Variants in CCDC91 observed in about 807,000 individuals in gnomAD.
CCDC91 encodes the protein coiled-coil domain-containing protein 91.
In CCDC91, 48 loss-of-function variants were observed where a neutral mutation model predicts 63.2. The observed-to-expected ratio is 0.76, with a 90% CI of 0.60 to 0.97. The LOEUF (loss-of-function observed/expected upper bound fraction) is 0.97, where lower values mean the gene tolerates loss of function less well. CCDC91 is among the 50% of genes least tolerant of loss of function. The pLI, the probability that CCDC91 is intolerant of heterozygous loss-of-function variation, is 0.00. For missense variants in CCDC91, 500 were observed against 494.6 expected, an observed-to-expected ratio of 1.01 and a Z score of -0.10; for synonymous variants, 167 against 165.8, an observed-to-expected ratio of 1.01 and a Z score of -0.06.
chr12:28,230,182 A>G (rs1451908230), intron 1 of CCDC91, among the ~76,000 whole-genome samples: 1 of 152,166 alleles, frequency 6.6e-6, no homozygotes, highest in African/African-American at 2.4e-5. Flanking sequence ...ATCTGGGGTC[A>G]TTCTGTACTT....
At chr12:28,379,525 G>A (rs1340688339) in intron 7 of CCDC91, among the ~76,000 whole-genome samples, 1 of 148,756 alleles carries the variant, frequency 6.7e-6, no homozygotes. Flanking sequence ...CTCAAAAGAA[G>A]ACATCTATGC....
At chr12:28,199,331 A>C (rs751808148) in intron 1 of CCDC91, among the ~76,000 whole-genome samples, 36 of 151,982 alleles carry the variant, frequency 2.4e-4, no homozygotes, top group Non-Finnish European at 3.7e-4. Flanking sequence ...TAAGTTTACA[A>C]ATTTTGTTCC....
intron 7 of CCDC91, among the ~76,000 whole-genome samples, chr12:28,381,715 T>C (rs776416724): frequency 1.3e-5 from 2 of 152,160 alleles, no homozygotes; most frequent in Admixed American, 6.6e-5. Context: ...GCCAATTTTT[T>C]TGATAATTTT....
chr12:28,360,736 G>T (rs1370547955), intron 6 of CCDC91, among the ~76,000 whole-genome samples: 3 of 152,082 alleles, frequency 2.0e-5, no homozygotes, highest in African/African-American at 7.2e-5. Flanking sequence ...AGTATAAGGG[G>T]TATGTTGTCC....
chr12:28,446,596 G>A (rs569592366), intron 8 of CCDC91, among the ~76,000 whole-genome samples: 1 of 152,184 alleles, frequency 6.6e-6, no homozygotes, highest in East Asian at 1.9e-4. Flanking sequence ...CCAAGTAGCT[G>A]GGACTACAGG....
At chr12:28,408,703 C>T (rs1947126784) in intron 8 of CCDC91, among the ~76,000 whole-genome samples, 1 of 151,998 alleles carries the variant, frequency 6.6e-6, no homozygotes, top group Non-Finnish European at 1.5e-5. Context: ...AGTGCAGTGG[C>T]ATGATCTTGG....
intron 3 of CCDC91, among the ~76,000 whole-genome samples, chr12:28,292,234 C>G (rs1592222767): frequency 6.6e-6 from 1 of 152,166 alleles, no homozygotes; most frequent in Non-Finnish European, 1.5e-5. Context: ...AGAATGTGTT[C>G]CAACATCAAA....
At chr12:28,445,788 C>T (rs1949467269) in intron 8 of CCDC91, among the ~76,000 whole-genome samples, 1 of 152,188 alleles carries the variant, frequency 6.6e-6, no homozygotes, top group African/African-American at 2.4e-5. Flanking sequence ...ACAGTCTTGG[C>T]TGTGTGCTCA....
At chr12:28,292,664 A>G (rs892711701) in intron 3 of CCDC91, among the ~76,000 whole-genome samples, 1 of 152,124 alleles carries the variant, frequency 6.6e-6, no homozygotes, top group Non-Finnish European at 1.5e-5. Context: ...ATATTAATAT[A>G]AAATAGGCTG....
intron 6 of CCDC91, among the ~76,000 whole-genome samples, chr12:28,318,108 A>T (rs1335479354): frequency 6.6e-6 from 1 of 151,946 alleles, no homozygotes; most frequent in Non-Finnish European, 1.5e-5. Flanking sequence ...CTTATTTGAT[A>T]CCATTTAAAC....
chr12:28,507,546 A>G (rs1938883562), intron 12 of CCDC91, among the ~76,000 whole-genome samples: 1 of 151,994 alleles, frequency 6.6e-6, no homozygotes, highest in Non-Finnish European at 1.5e-5. Flanking sequence ...ACTATTCTGA[A>G]TATTTGTCAG....
At chr12:28,482,688 C>T (rs1316962296) in intron 11 of CCDC91, among the ~76,000 whole-genome samples, 1 of 151,950 alleles carries the variant, frequency 6.6e-6, no homozygotes, top group African/African-American at 2.4e-5. Flanking sequence ...CTAGCCATTC[C>T]TATGGGCTTC....
chr12:28,492,915 G>T (rs1240131495), intron 12 of CCDC91, among the ~76,000 whole-genome samples: 2 of 151,460 alleles, frequency 1.3e-5, no homozygotes, highest in African/African-American at 4.8e-5. Context: ...AAAGTTGCTT[G>T]CTGTAAAAAT....
intron 3 of CCDC91, among the ~76,000 whole-genome samples, 169 bp downstream of exon 3, chr12:28,259,611 A>G (rs1565685762): frequency 6.6e-6 from 1 of 151,994 alleles, no homozygotes; most frequent in Non-Finnish European, 1.5e-5. Flanking sequence ...ATTGTGAATT[A>G]CATAACACAT....
chr12:28,372,715 C>CT (rs1388601511), intron 7 of CCDC91, among the ~76,000 whole-genome samples: 1 of 152,034 alleles, frequency 6.6e-6, no homozygotes, highest in African/African-American at 2.4e-5. Context: ...TTTATCAAAT[C>CT]TAAGAGTTTT....
At chr12:28,307,368 G>A (rs1256278397) in intron 5 of CCDC91, among the ~76,000 whole-genome samples, 1 of 151,814 alleles carries the variant, frequency 6.6e-6, no homozygotes, top group Non-Finnish European at 1.5e-5. Flanking sequence ...TGAATATATA[G>A]CAAATTTATA....
At chr12:28,322,821 A>C (rs570165353) in intron 6 of CCDC91, among the ~76,000 whole-genome samples, 1 of 151,848 alleles carries the variant, frequency 6.6e-6, no homozygotes, top group African/African-American at 2.4e-5. Context: ...AATACATGAG[A>C]ATGCCTGTTT....
chr12:28,520,619 C>T (rs550427664), intron 12 of CCDC91, among the ~76,000 whole-genome samples: 162 of 151,978 alleles, frequency 1.1e-3, no homozygotes, highest in African/African-American at 2.2e-3. Flanking sequence ...CCATTGCTTT[C>T]GGTGTTTTAG....
chr12:28,364,151 C>T (rs976782266), intron 7 of CCDC91, among the ~76,000 whole-genome samples: 3 of 151,594 alleles, frequency 2.0e-5, no homozygotes, highest in Admixed American at 6.6e-5. Context: ...TTTGGGAGGC[C>T]GAAGTGGGTG....
Sources: allele counts gnomAD v4.1 joint callset (sites outside exome capture counted in the v4.1 genomes callset), GRCh38; gene constraint gnomAD v4.1.1; transcripts MANE v1.5; gene names NCBI Gene and HGNC (gene_info 2026-07-23, HGNC 2026-07-21).